CNOT6: variants seen among roughly 807,000 people sequenced by gnomAD.
CNOT6 encodes the protein CCR4-NOT transcription complex subunit 6.
CNOT6 carries 12 observed loss-of-function variants against 61.2 expected under a neutral mutation model. The observed-to-expected ratio is 0.20, with a 90% CI of 0.13 to 0.32. The LOEUF (loss-of-function observed/expected upper bound fraction) is 0.32. CNOT6 is among the 10% of genes least tolerant of loss of function. The pLI is 1.00. For missense variants in CNOT6, 405 were observed against 663.9 expected, an observed-to-expected ratio of 0.61 and a Z score of 4.28; for synonymous variants, 225 against 240.6, an observed-to-expected ratio of 0.94 and a Z score of 0.60.
intron 2 of CNOT6, among the ~76,000 whole-genome samples, chr5:180,533,766 T>C (rs1758523960): frequency 6.6e-6 from 1 of 152,196 alleles, no homozygotes; most frequent in South Asian, 2.1e-4. Flanking sequence ...TTAGGAGGTA[T>C]AAGTACAGTT....
chr5:180,507,811 A>G (rs2127698462), intron 1 of CNOT6, among the ~76,000 whole-genome samples: 1 of 117,008 alleles, frequency 8.5e-6, no homozygotes. Flanking sequence ...ACTTAAAACC[A>G]TGGAGGAAGG....
intron 1 of CNOT6, among the ~76,000 whole-genome samples, chr5:180,501,820 A>G (rs953142870): frequency 1.3e-5 from 2 of 152,184 alleles, no homozygotes; most frequent in Non-Finnish European, 2.9e-5. Flanking sequence ...GAGAGAGGTC[A>G]TAGTGCCAAG....
chr5:180,501,814 GAGGTCA>G, intron 1 of CNOT6, among the ~76,000 whole-genome samples: 1 of 152,266 alleles, frequency 6.6e-6, no homozygotes, highest in Middle Eastern at 3.4e-3. Flanking sequence ...GATGCCGAGA[GAGGTCA>G]TAGTGCCAAG....
intron 1 of CNOT6, among the ~76,000 whole-genome samples, 160 bp downstream of exon 1, chr5:180,494,923 C>T (rs1444877765): frequency 2.0e-5 from 3 of 151,952 alleles, no homozygotes; most frequent in East Asian, 2.0e-4. Flanking sequence ...GCCCCTTCGA[C>T]GCGCCGCGAT....
intron 1 of CNOT6, among the ~76,000 whole-genome samples, chr5:180,496,951 A>G (rs1426765401): frequency 6.6e-6 from 1 of 152,250 alleles, no homozygotes; most frequent in Admixed American, 6.5e-5. Flanking sequence ...GAGCAGACAT[A>G]AGGTTGGTTT....
intron 1 of CNOT6, among the ~76,000 whole-genome samples, chr5:180,498,126 C>CT (rs1240603913): frequency 6.6e-6 from 1 of 151,530 alleles, no homozygotes; most frequent in African/African-American, 2.4e-5. Flanking sequence ...ATGGAATGTA[C>CT]TGTATTTTGG....
intron 2 of CNOT6, among the ~76,000 whole-genome samples, chr5:180,547,961 T>G (rs1188052639): frequency 6.6e-6 from 1 of 152,194 alleles, no homozygotes; most frequent in Admixed American, 6.5e-5. Flanking sequence ...CTTGAACTCC[T>G]GACTTCAGGT....
chr5:180,562,985 C>T (rs1760261145), intron 4 of CNOT6, among the ~76,000 whole-genome samples: 1 of 152,170 alleles, frequency 6.6e-6, no homozygotes, highest in Non-Finnish European at 1.5e-5. Context: ...TAATTGCCTT[C>T]CTGCAAATAC....
intron 11 of CNOT6, 59 bp from the exon 12 acceptor site, chr5:180,573,929 C>T: frequency 8.8e-7 from 1 of 1,140,934 alleles, no homozygotes; most frequent in Non-Finnish European, 1.3e-6. Context: ...GTCTTGAAAG[C>T]ACTGAGGATT....
At chr5:180,517,879 A>T (rs6879011) in intron 1 of CNOT6, among the ~76,000 whole-genome samples, 70,762 of 152,022 alleles carry the variant, frequency 0.47, 17,526 homozygotes, top group Non-Finnish European at 0.56. Flanking sequence ...GTTTGATTAC[A>T]CTGAATCCAG....
At chr5:180,513,531 G>C (rs1167039373) in intron 1 of CNOT6, among the ~76,000 whole-genome samples, 1 of 150,344 alleles carries the variant, frequency 6.7e-6, no homozygotes, top group African/African-American at 2.5e-5. Flanking sequence ...GTGCCACCAG[G>C]CCCAGCTAAT....
At chr5:180,546,249 TTGC>T (rs1759307684) in intron 2 of CNOT6, among the ~76,000 whole-genome samples, 1 of 152,226 alleles carries the variant, frequency 6.6e-6, no homozygotes, top group Non-Finnish European at 1.5e-5. Flanking sequence ...ATTCACCATC[TTGC>T]TATTTTTTTA....
intron 1 of CNOT6, among the ~76,000 whole-genome samples, chr5:180,520,129 C>T (rs1757817773): frequency 6.6e-6 from 1 of 152,140 alleles, no homozygotes; most frequent in Non-Finnish European, 1.5e-5. Context: ...CCACCGCATC[C>T]AGCCTATCCA....
chr5:180,550,441 G>C (rs983926542), intron 3 of CNOT6, among the ~76,000 whole-genome samples: 2 of 151,994 alleles, frequency 1.3e-5, no homozygotes, highest in South Asian at 4.2e-4. Context: ...CAGAGCGAGA[G>C]TCCATCTCAA....
intron 4 of CNOT6, among the ~76,000 whole-genome samples, chr5:180,558,520 AAC>A (rs1232135660): frequency 4.0e-5 from 6 of 151,222 alleles, no homozygotes; most frequent in South Asian, 2.1e-4. Context: ...TAAAAAAAAA[AAC>A]AAAAAACCTG....
Position 180,529,297 on chromosome 5 carries a change from GC to G in CNOT6, c.26del (p.Pro9LeufsTer28). ...CAGGCATGCCCAAAGAAAAATACGA[GC>G]CCCCTGACCCTCGGAGGATGTATAC... MPKEKYE[P>X]PDPRRMYTIM... On this transcript the variant is annotated frameshift_variant, in exon 2 of 12. Coordinates refer to ENST00000261951, the MANE Select transcript of CNOT6 (RefSeq NM_001370472.1). LOFTEE classifies it high-confidence loss of function. 6.2e-7 allele frequency: 1 copy of G among 1,611,606 alleles called. No individual in the cohort carries two copies. The highest frequency in any genetic ancestry group is 8.5e-7 in the Non-Finnish European group (1 of 1,178,302).
At chr5:180,565,684 C>A in intron 6 of CNOT6, 136 bp from the exon 7 acceptor site, 1 of 719,078 alleles carries the variant, frequency 1.4e-6, no homozygotes, top group Non-Finnish European at 2.2e-6. Flanking sequence ...CCATATGTGG[C>A]GTACAGTAGC....
chr5:180,550,055 G>A lies in CNOT6; in HGVS notation c.237G>A (p.Leu79=). Residue 79 remains leucine (L), a synonymous_variant, in exon 3 of 12, where the codon TTG becomes TTA. Coordinates refer to ENST00000261951, the MANE Select transcript of CNOT6 (RefSeq NM_001370472.1). ...CCAAGCTTCACAATCTGGTGTATTT[G>A]GACCTGTCATCTAATAAAATTCGTA... is the stretch of plus-strand genomic sequence containing the variant. ...DIAKLHNLVY[L]DLSSNKIRSL... is the part of the protein sequence containing the mutation. 4 of 1,614,012 alleles carry A rather than the reference G, an allele frequency of 2.5e-6. No homozygotes were observed. Among genetic ancestry groups the A allele is most frequent in the Non-Finnish European group, 3.4e-6 (4 of 1,179,954 alleles).
intron 1 of CNOT6, among the ~76,000 whole-genome samples, chr5:180,518,305 T>G (rs1415931436): frequency 2.0e-5 from 3 of 152,216 alleles, no homozygotes; most frequent in African/African-American, 4.8e-5. Context: ...CAGGCTCATT[T>G]TATACATTTC....
Sources: gnomAD v4.1 joint callset for allele counts (sites outside exome capture counted in the v4.1 genomes callset) on GRCh38, gnomAD v4.1.1 for gene constraint, MANE v1.5 for transcripts, NCBI Gene and HGNC (gene_info 2026-07-23, HGNC 2026-07-21) for gene names.